The following AMBRA1 variants were observed in gnomAD, a reference collection of about 807,000 sequenced individuals.
AMBRA1 encodes the protein activating molecule in BECN1-regulated autophagy protein 1.
A neutral mutation model predicts 125.4 loss-of-function variants in AMBRA1; 47 were observed. The observed-to-expected ratio is 0.37, with a 90% confidence interval of 0.30 to 0.48. The LOEUF is 0.48. Among genes scored for constraint, AMBRA1 ranks in the 20% least tolerant of loss-of-function variants. The pLI, the probability that AMBRA1 is intolerant of heterozygous loss-of-function variation, is 0.99. For missense variants in AMBRA1, 1,331 were observed against 1,693.4 expected, an observed-to-expected ratio of 0.79 and a Z score of 3.76; for synonymous variants, 626 against 655.5, an observed-to-expected ratio of 0.95 and a Z score of 0.69.
chr11:46,444,275 C>G (rs1025140804), intron 11 of AMBRA1, among the ~76,000 whole-genome samples: 12 of 152,180 alleles, frequency 7.9e-5, no homozygotes, highest in East Asian at 3.8e-4. Flanking sequence ...ATACCTACCC[C>G]CTAAGAACCT....
chr11:46,569,635 T>C (rs756712285), intron 1 of AMBRA1, among the ~76,000 whole-genome samples: 5 of 152,118 alleles, frequency 3.3e-5, no homozygotes, highest in Admixed American at 2.0e-4. Context: ...AAGGTCTGCC[T>C]GAGCATAGTG....
chr11:46,564,555 T>G (rs2043457244), intron 1 of AMBRA1, among the ~76,000 whole-genome samples: 1 of 151,904 alleles, frequency 6.6e-6, no homozygotes, highest in Non-Finnish European at 1.5e-5. Context: ...CAATACTGCT[T>G]CTATAAAATA....
At chr11:46,454,189 T>A (rs1006624700) in intron 11 of AMBRA1, among the ~76,000 whole-genome samples, 8 of 151,268 alleles carry the variant, frequency 5.3e-5, no homozygotes, top group South Asian at 2.1e-4. Context: ...AGCTATGAAA[T>A]TTTTTTTTAA....
At chr11:46,488,258 C>T (rs1052956164) in intron 11 of AMBRA1, among the ~76,000 whole-genome samples, 30 of 152,084 alleles carry the variant, frequency 2.0e-4, no homozygotes, top group African/African-American at 7.0e-4. Flanking sequence ...GAGCTTAAGA[C>T]CAGCCTGGCC....
chr11:46,469,725 T>G (rs1344589574), intron 11 of AMBRA1, among the ~76,000 whole-genome samples: 2 of 152,210 alleles, frequency 1.3e-5, no homozygotes, highest in East Asian at 1.9e-4. Context: ...AGTGCAGTGG[T>G]ACGATCATTG....
rs11449187 is a variant in AMBRA1 at position 46,478,648 on chromosome 11, CTTTT to C, written c.2521+14956_2521+14959del. 5.0e-3 allele frequency among the ~76,000 whole-genome samples: 413 copies of C among 82,156 alleles called. No individual in the cohort carries two copies. In the Middle Eastern group the frequency reaches 0.053, roughly 10 times the overall value. 53.9% of individuals were successfully genotyped at this position (82,156 alleles called of 152,430 possible). A position where few individuals can be genotyped will look rare whatever the true frequency, so the allele number is the denominator to read the frequency against. ...TATTTCTTGTTTTTTTCTTTTTTCT[CTTTT>C]TTTTTTTTTTTTTTTTTTGGAGATG... is the stretch of plus-strand genomic sequence containing the variant. On this transcript the variant is annotated intron_variant, in intron 11 of 17. Transcript: ENST00000683756.
intron 11 of AMBRA1, among the ~76,000 whole-genome samples, chr11:46,475,887 A>T (rs1374131727): frequency 6.6e-6 from 1 of 152,238 alleles, no homozygotes; most frequent in Non-Finnish European, 1.5e-5. Flanking sequence ...AATAAAGGAT[A>T]TACTAAAATA....
rs34321655 is a variant in AMBRA1, at chr11:46,425,310, TTGTGTGTGTGTG to T, written c.2977-7270_2977-7259del. ...CTTCTGTATCTTTTGCTTGATCCAT[TTGTGTGTGTGTG>T]TGTGTGTGTGTGTGTGTGTGTGTGT... On this transcript the variant is annotated intron_variant, in intron 14 of 17. Transcript: ENST00000683756. Among the ~76,000 whole-genome samples the T allele has an allele frequency of 9.8e-3, 1,330 of 135,588 alleles. 19 individuals are homozygous for T. The highest frequency in any genetic ancestry group is 0.034 in the African/African-American group (1,127 of 33,384). 89.0% of individuals were successfully genotyped at this position (135,588 alleles called of 152,430 possible).
At chr11:46,491,002 A>C (rs1950439531) in intron 11 of AMBRA1, 1 of 152,228 alleles carries the variant, frequency 6.6e-6, no homozygotes, top group Non-Finnish European at 1.5e-5. Flanking sequence ...GCTCAATTAC[A>C]TGATCACAAG....
chr11:46,461,591 T>C (rs1414655785), intron 11 of AMBRA1, among the ~76,000 whole-genome samples: 1 of 152,228 alleles, frequency 6.6e-6, no homozygotes, highest in Non-Finnish European at 1.5e-5. Flanking sequence ...GGAGTCCCAC[T>C]AAATTCCAGA....
intron 1 of AMBRA1, among the ~76,000 whole-genome samples, chr11:46,563,842 C>CAAAA (rs1262343623): frequency 2.1e-5 from 1 of 46,650 alleles, no homozygotes; most frequent in Non-Finnish European, 4.3e-5. Context: ...GAGACTGTCT[C>CAAAA]AAAAAAAAAA....
intron 1 of AMBRA1, among the ~76,000 whole-genome samples, chr11:46,569,716 G>A (rs1311911885): frequency 3.3e-5 from 5 of 151,840 alleles, no homozygotes; most frequent in African/African-American, 4.8e-5. Context: ...TCAGCAGTTC[G>A]AGACCAGCCT....
At chr11:46,445,075 A>C (rs1948213507) in intron 11 of AMBRA1, among the ~76,000 whole-genome samples, 2 of 151,992 alleles carry the variant, frequency 1.3e-5, no homozygotes, top group South Asian at 4.1e-4. Context: ...GAAAAACAAA[A>C]AAAAAAAAAC....
chr11:46,510,491 C>T (rs1255967169), intron 8 of AMBRA1, among the ~76,000 whole-genome samples: 2 of 152,108 alleles, frequency 1.3e-5, no homozygotes. Flanking sequence ...AGAAAGAAGA[C>T]CCTTTTATTT....
chr11:46,573,800 A>T (rs1483927953), intron 1 of AMBRA1, among the ~76,000 whole-genome samples: 1 of 143,200 alleles, frequency 7.0e-6, no homozygotes, highest in Non-Finnish European at 1.5e-5. Flanking sequence ...ATACCTCCCA[A>T]TGCTATCCCT....
intron 1 of AMBRA1, among the ~76,000 whole-genome samples, chr11:46,587,632 G>GTAAA (rs1301486258): frequency 6.6e-6 from 1 of 152,156 alleles, no homozygotes; most frequent in Non-Finnish European, 1.5e-5. Context: ...TCTAATCCCT[G>GTAAA]TAAATACCCA....
intron 11 of AMBRA1, among the ~76,000 whole-genome samples, chr11:46,477,836 G>A (rs1323497274): frequency 1.3e-5 from 2 of 152,098 alleles, no homozygotes; most frequent in African/African-American, 4.8e-5. Flanking sequence ...AGCACTTTGG[G>A]AGGCTGAGAC....
chr11:46,493,089 G>A (rs1950521216), intron 11 of AMBRA1, among the ~76,000 whole-genome samples: 2 of 152,122 alleles, frequency 1.3e-5, no homozygotes, highest in South Asian at 4.1e-4. Flanking sequence ...TGCTTCAGTG[G>A]GGCTTGCCTA....
At chr11:46,462,303 T>C (rs890483246) in intron 11 of AMBRA1, among the ~76,000 whole-genome samples, 19 of 152,198 alleles carry the variant, frequency 1.2e-4, no homozygotes, top group African/African-American at 4.6e-4. Context: ...AGCTTCTCTA[T>C]ATGCCCCTTG....
Sources: gnomAD v4.1 joint callset for allele counts (sites outside exome capture counted in the v4.1 genomes callset) on GRCh38, gnomAD v4.1.1 for gene constraint, MANE v1.5 for transcripts, NCBI Gene and HGNC (gene_info 2026-07-23, HGNC 2026-07-21) for gene names.